Variants in RABGAP1 observed in about 807,000 individuals in gnomAD.
RABGAP1 encodes the protein RAB GTPase activating protein 1.
RABGAP1 carries 23 observed loss-of-function variants against 137.6 expected under a neutral mutation model. That is an observed-to-expected ratio of 0.17 (90% CI 0.12 to 0.24). The LOEUF (loss-of-function observed/expected upper bound fraction) is 0.24, where lower values mean the gene tolerates loss of function less well. RABGAP1 is among the 10% of genes least tolerant of loss of function. RABGAP1 has a pLI of 1.00. For missense variants in RABGAP1, 906 were observed against 1,275.8 expected (o/e 0.71, Z 4.42); for synonymous variants, 451 against 450.7 (o/e 1.00, Z -0.01).
chr9:123,063,545 C>T (rs2034059580), intron 13 of RABGAP1, among the ~76,000 whole-genome samples: 1 of 152,176 alleles, frequency 6.6e-6, no homozygotes, highest in African/African-American at 2.4e-5. Flanking sequence ...GTTTCTTATC[C>T]TTTGCCAACA....
chr9:123,061,948 A>G (rs2033989024), intron 13 of RABGAP1: 1 of 152,218 alleles, frequency 6.6e-6, no homozygotes, highest in African/African-American at 2.4e-5. Context: ...TCTCTACATC[A>G]GTTACATTTA....
intron 13 of RABGAP1, chr9:123,035,244 C>A: frequency 2.5e-6 from 4 of 1,614,160 alleles, no homozygotes; most frequent in East Asian, 2.2e-5. Flanking sequence ...AGGATATCAG[C>A]GAAAGGCAAG....
chr9:123,073,566 G>A lies in RABGAP1; in HGVS notation c.1998G>A (p.Gln666=). 1 of 1,612,908 alleles carries A rather than the reference G, an allele frequency of 6.2e-7. No homozygotes were observed. The highest frequency in any genetic ancestry group is 8.5e-7 in the Non-Finnish European group (1 of 1,179,484). Residue 666 remains glutamine, a synonymous_variant, in exon 16 of 26, where the codon CAG becomes CAA. Transcript: ENST00000373647. ...AVLLLHMPEE[Q]AFSVLVKIMF... is the part of the protein sequence containing the mutation. ...ATCTGTTACAGATGCCTGAAGAACAGGCATTCAGTGTTCTGGTCAAGATCA... is the reference window on the plus strand; with the variant it reads ...ATCTGTTACAGATGCCTGAAGAACAAGCATTCAGTGTTCTGGTCAAGATCA...
intron 19 of RABGAP1, among the ~76,000 whole-genome samples, chr9:123,078,905 A>C (rs533351945): frequency 6.6e-6 from 1 of 152,090 alleles, no homozygotes; most frequent in Admixed American, 6.5e-5. Flanking sequence ...TCTCTATCGC[A>C]TGTCTCCTTT....
At chr9:123,077,708 CTTTT>C (rs1056123289) in intron 19 of RABGAP1, among the ~76,000 whole-genome samples, 1 of 135,430 alleles carries the variant, frequency 7.4e-6, no homozygotes. Flanking sequence ...TTCTGTGGGG[CTTTT>C]TTTGAGACAG....
chr9:123,032,362 A>T (rs956301444), intron 13 of RABGAP1, among the ~76,000 whole-genome samples: 2 of 152,206 alleles, frequency 1.3e-5, no homozygotes, highest in Non-Finnish European at 2.9e-5. Context: ...TGTTCCTTCG[A>T]TGCTATTGGT....
At chr9:122,964,796 G>T (rs568138747) in intron 2 of RABGAP1, among the ~76,000 whole-genome samples, 6 of 152,250 alleles carry the variant, frequency 3.9e-5, no homozygotes, top group African/African-American at 1.4e-4. Context: ...TTTGAGAACA[G>T]CCTGGGCAAC....
chr9:123,043,991 C>G (rs2033083558), intron 13 of RABGAP1, among the ~76,000 whole-genome samples: 1 of 150,990 alleles, frequency 6.6e-6, no homozygotes, highest in South Asian at 2.1e-4. Flanking sequence ...AGCTCCGCCT[C>G]CCGGGTTCAG....
At chr9:122,942,079 T>A (rs1334870963) in intron 1 of RABGAP1, among the ~76,000 whole-genome samples, 1 of 152,230 alleles carries the variant, frequency 6.6e-6, no homozygotes, top group African/African-American at 2.4e-5. Flanking sequence ...CTTTTATATT[T>A]CCATTCACAT....
chr9:123,040,291 T>C (rs2032890406), intron 13 of RABGAP1, among the ~76,000 whole-genome samples: 1 of 152,196 alleles, frequency 6.6e-6, no homozygotes, highest in Non-Finnish European at 1.5e-5. Context: ...TAAAATCATG[T>C]CACTTTATTA....
intron 21 of RABGAP1, among the ~76,000 whole-genome samples, chr9:123,093,723 A>C (rs1434589923): frequency 6.6e-6 from 1 of 152,216 alleles, no homozygotes; most frequent in East Asian, 1.9e-4. Flanking sequence ...CTTTATAATA[A>C]ATCTTAAAAT....
intron 2 of RABGAP1, among the ~76,000 whole-genome samples, chr9:122,958,548 G>T (rs113898399): frequency 0.011 from 1,739 of 152,136 alleles, 21 homozygotes; most frequent in Non-Finnish European, 0.019. Context: ...GTCGTGGGGT[G>T]GGGGGAGCAG....
At chr9:123,100,637 T>G (rs1588418492) in intron 24 of RABGAP1, among the ~76,000 whole-genome samples, 1 of 152,158 alleles carries the variant, frequency 6.6e-6, no homozygotes. Context: ...GCCAGGCTGG[T>G]CTCGAACTCC....
rs755054343 is a variant in RABGAP1, at chr9:123,070,452, T to G, written c.1983+28T>G. On this transcript the variant is annotated intron_variant, in intron 15 of 25. Transcript: ENST00000373647. The surrounding 1 kb of genome is among the most constrained non-coding windows in gnomAD (Gnocchi z 4.4). Reference sequence around the variant, plus strand: ...GAGTAATTAGGTCTCTGTTATGACTTAACACATGGCCTCCCTCAGCTTATA... The same window carrying G: ...GAGTAATTAGGTCTCTGTTATGACTGAACACATGGCCTCCCTCAGCTTATA... 3 of 1,613,772 alleles carry G rather than the reference T, an allele frequency of 1.9e-6. No homozygotes were observed. In the Admixed American group the frequency reaches 5.0e-5, roughly 27 times the overall value.
At chr9:122,978,827 A>G (rs1835898842) in intron 2 of RABGAP1, among the ~76,000 whole-genome samples, 1 of 152,204 alleles carries the variant, frequency 6.6e-6, no homozygotes, top group South Asian at 2.1e-4. Context: ...GTCGCTCCTT[A>G]TTCTTGCCAG....
chr9:122,977,199 A>G (rs1428492547), intron 2 of RABGAP1, among the ~76,000 whole-genome samples: 1 of 152,188 alleles, frequency 6.6e-6, no homozygotes, highest in African/African-American at 2.4e-5. Flanking sequence ...AAGAGAGAGA[A>G]AGAAGGCAGG....
At position 123,089,836 on chromosome 9, in the gene RABGAP1, A is replaced by G. The variant is rs2034983192; in HGVS notation, c.2503A>G (p.Ile835Val). The G allele has an allele frequency of 1.2e-6, 2 of 1,613,702 alleles. No homozygotes were observed. Among genetic ancestry groups the G allele is most frequent in the Non-Finnish European group, 1.7e-6 (2 of 1,179,720 alleles). The change falls in exon 20 of 26, where the codon ATC becomes GTC. Residue 835 changes from isoleucine to valine, a missense_variant. By Grantham distance (29) the Ile-to-Val change is conservative. Around this residue, in one of 9 missense-constraint regions of RABGAP1, gnomAD observed 77 missense variants for 105.6 expected, o/e 0.73. Coordinates refer to ENST00000373647, the MANE Select transcript of RABGAP1 (RefSeq NM_012197.4). ...ACAGCAGGCCCAGCAAGAAGACCCCATCGAGCGATTTGAGGTTTGTTTGCT... is the reference window on the plus strand; with the variant it reads ...ACAGCAGGCCCAGCAAGAAGACCCCGTCGAGCGATTTGAGGTTTGTTTGCT... ...REQQAQQEDP[I>V]ERFERENRRL...
rs529768121 is a variant in RABGAP1 at position 123,013,538 on chromosome 9, G to GC, written c.1550-2003dup. Among the ~76,000 whole-genome samples, 456 of 152,208 alleles carry GC rather than the reference G, an allele frequency of 3.0e-3. 1 individual carries two copies. Among genetic ancestry groups the GC allele is most frequent in the Non-Finnish European group, 5.4e-3 (370 of 67,998 alleles). On this transcript the variant is annotated intron_variant, in intron 11 of 25. Coordinates refer to ENST00000373647, the MANE Select transcript of RABGAP1 (RefSeq NM_012197.4). ...GTAGAGATGGGGTTTCACCAGGTTG[G>GC]CCAAGGCTTGTCTCGAACTCCTGAC...
intron 1 of RABGAP1, among the ~76,000 whole-genome samples, 168 bp downstream of exon 1, chr9:122,941,261 G>A (rs879413899): frequency 6.6e-6 from 1 of 152,178 alleles, no homozygotes; most frequent in Non-Finnish European, 1.5e-5. Context: ...GGGGAGCCGT[G>A]ATTGGGGGGA....
Sources: allele counts gnomAD v4.1 joint callset (sites outside exome capture counted in the v4.1 genomes callset), GRCh38; gene constraint gnomAD v4.1.1; regional missense constraint gnomAD v4.1.1; non-coding constraint Gnocchi (gnomAD v3.1); transcripts MANE v1.5; gene names NCBI Gene and HGNC (gene_info 2026-07-23, HGNC 2026-07-21).